Variants in PDE3B observed in about 807,000 individuals in gnomAD.
The protein encoded by PDE3B is phosphodiesterase 3B.
In PDE3B, 66 loss-of-function variants were observed where a neutral mutation model predicts 116.8. That is an observed-to-expected ratio of 0.56 (90% CI 0.46 to 0.69). PDE3B has a LOEUF of 0.69. Ranked by LOEUF, PDE3B falls within the 30% of genes least tolerant of loss-of-function variation. PDE3B has a pLI of 0.00. For synonymous variants in PDE3B, 595 were observed against 533.6 expected (o/e 1.12, Z -1.59); for missense variants, 1,384 against 1,368.1 (o/e 1.01, Z -0.18).
intron 2 of PDE3B, among the ~76,000 whole-genome samples, chr11:14,778,360 C>T (rs1857857941): frequency 6.6e-6 from 1 of 152,234 alleles, no homozygotes; most frequent in African/African-American, 2.4e-5. Context: ...AATGGACAGA[C>T]TGCCTCCTCA....
chr11:14,717,943 AC>A (rs1466948024), intron 1 of PDE3B, among the ~76,000 whole-genome samples: 1 of 146,682 alleles, frequency 6.8e-6, no homozygotes, highest in East Asian at 2.1e-4. Context: ...ATGTAAATGG[AC>A]TAAATGCTCC....
At chr11:14,891,545 T>C in the PDE3B span, 6 of 1,023,422 alleles carry the variant, frequency 5.9e-6, no homozygotes, top group African/African-American at 1.7e-5. Context: ...ATTAACCATC[T>C]AGAACTCAGA....
the PDE3B span, chr11:14,892,050 G>C: frequency 3.7e-6 from 6 of 1,613,158 alleles, no homozygotes; most frequent in South Asian, 5.5e-5. Context: ...CCAGGGAATA[G>C]ATGTTGCCGA....
intron 2 of PDE3B, among the ~76,000 whole-genome samples, chr11:14,782,246 T>C (rs191181252): frequency 6.6e-6 from 1 of 152,278 alleles, no homozygotes; most frequent in East Asian, 1.9e-4. Context: ...CTTCACAGAA[T>C]TGGAAAAAAC....
chr11:14,867,220 G>C (rs1008264691), intron 14 of PDE3B, among the ~76,000 whole-genome samples: 1 of 152,046 alleles, frequency 6.6e-6, no homozygotes, highest in East Asian at 1.9e-4. Context: ...GAATTTTGCA[G>C]TTTGTCAGTA....
In PDE3B at chr11:14,786,693, TAC is replaced by T; in HGVS notation, c.1278+10_1278+11del. On this transcript the variant is annotated intron_variant, in intron 3 of 15. Coordinates refer to ENST00000282096, the MANE Select transcript of PDE3B (RefSeq NM_000922.4). The stretch of plus-strand genomic sequence containing the variant: ...GATAGAAAACTTAACAAGGTCGAAA[TAC>T]AGTAATCATCTAACCCTATTTATCA... 2.5e-6 allele frequency: 4 copies of T among 1,600,252 alleles called. No homozygotes were observed. Among genetic ancestry groups the T allele is most frequent in the Non-Finnish European group, 3.4e-6 (4 of 1,167,810 alleles).
chr11:14,761,303 G>A (rs978169209), intron 1 of PDE3B, among the ~76,000 whole-genome samples: 3 of 152,096 alleles, frequency 2.0e-5, no homozygotes, highest in Non-Finnish European at 2.9e-5. Context: ...AAAGTGCAAT[G>A]TTTGGGAAAA....
chr11:14,790,945 T>C (rs2133920769), intron 4 of PDE3B, among the ~76,000 whole-genome samples: 1 of 152,194 alleles, frequency 6.6e-6, no homozygotes. Flanking sequence ...TTTGCAATGA[T>C]GGAAATAGTT....
At chr11:14,664,278 G>T (rs1024000658) in intron 1 of PDE3B, among the ~76,000 whole-genome samples, 1 of 151,942 alleles carries the variant, frequency 6.6e-6, no homozygotes, top group African/African-American at 2.4e-5. Context: ...TGTGTAGAGG[G>T]AAATTTATAG....
At chr11:14,743,061 A>T (rs1644826506) in intron 1 of PDE3B, among the ~76,000 whole-genome samples, 1 of 152,116 alleles carries the variant, frequency 6.6e-6, no homozygotes. Flanking sequence ...CCACTTGAGG[A>T]GGCAGTCTGT....
At chr11:14,687,003 A>G (rs1854898037) in intron 1 of PDE3B, among the ~76,000 whole-genome samples, 1 of 152,074 alleles carries the variant, frequency 6.6e-6, no homozygotes. Flanking sequence ...GTGAGCCACC[A>G]CGCCTGGCCA....
chr11:14,893,721 A>G, the PDE3B span, among the ~76,000 whole-genome samples: 3 of 152,200 alleles, frequency 2.0e-5, no homozygotes, highest in Non-Finnish European at 2.9e-5. Context: ...TCTTCCACTT[A>G]TAAGGATCGT....
chr11:14,835,801 A>T (rs1363650707), intron 11 of PDE3B, among the ~76,000 whole-genome samples: 1 of 152,122 alleles, frequency 6.6e-6, no homozygotes, highest in Non-Finnish European at 1.5e-5. Flanking sequence ...CTACAAAAAA[A>T]TTTTTAAAAA....
the PDE3B span, chr11:14,885,721 G>A: frequency 6.4e-7 from 1 of 1,566,332 alleles, no homozygotes; most frequent in Non-Finnish European, 8.8e-7. Flanking sequence ...CTTAAAATAA[G>A]GAATGTGATT....
rs150031325 is a variant in PDE3B at position 14,751,828 on chromosome 11, C to T, written c.979-20109C>T. ...CTATCAGCTCTTGTTCTTTATTGGT[C>T]AAAGATTCCCTCCATCCCTTAACCT... On this transcript the variant is annotated intron_variant, in intron 1 of 15. Transcript: ENST00000282096. Among the ~76,000 whole-genome samples the T allele has an allele frequency of 3.4e-3, 515 of 152,230 alleles. 2 individuals are homozygous for T. Among genetic ancestry groups the T allele is most frequent in the South Asian group, 9.7e-3 (47 of 4,824 alleles).
At chr11:14,764,095 C>T (rs779730490) in intron 1 of PDE3B, among the ~76,000 whole-genome samples, 2 of 152,062 alleles carry the variant, frequency 1.3e-5, no homozygotes, top group Non-Finnish European at 2.9e-5. Context: ...GTTACCTCAC[C>T]TGGGGCTGAA....
At chr11:14,645,107 T>C (rs751171596) in intron 1 of PDE3B, 54 bp downstream of exon 1, 402 of 1,204,372 alleles carry the variant, frequency 3.3e-4, no homozygotes, top group Non-Finnish European at 4.1e-4. Context: ...GGTTTACCGC[T>C]GCAGTTTCCG....
At chr11:14,846,941 A>C (rs1847617991) in intron 12 of PDE3B, among the ~76,000 whole-genome samples, 1 of 152,190 alleles carries the variant, frequency 6.6e-6, no homozygotes, top group South Asian at 2.1e-4. Context: ...TGAGACAGAA[A>C]GTTAACAAGG....
intron 1 of PDE3B, among the ~76,000 whole-genome samples, chr11:14,764,811 A>G (rs1044677947): frequency 6.6e-6 from 1 of 151,980 alleles, no homozygotes; most frequent in Admixed American, 6.6e-5. Flanking sequence ...ATATGACTAG[A>G]AAGAATAGTA....
Sources: allele counts gnomAD v4.1 joint callset (sites outside exome capture counted in the v4.1 genomes callset), GRCh38; gene constraint gnomAD v4.1.1; transcripts MANE v1.5; gene names NCBI Gene and HGNC (gene_info 2026-07-23, HGNC 2026-07-21).